Variants in GPR39 observed in about 807,000 individuals in gnomAD.
GPR39 encodes the protein G protein-coupled receptor 39, also known as zinc sensing receptor.
A neutral mutation model predicts 18.4 loss-of-function variants in GPR39; 23 were observed. That is an observed-to-expected ratio of 1.25 (90% confidence interval 0.90 to 1.77). GPR39 has a LOEUF of 1.77. Among genes scored for constraint, GPR39 ranks in the 40% most tolerant of loss-of-function variants. The pLI, the probability that GPR39 is intolerant of heterozygous loss-of-function variation, is 0.00. For missense variants in GPR39, 647 were observed against 602.4 expected (o/e 1.07, Z -0.78); for synonymous variants, 280 against 257.9 (o/e 1.09, Z -0.82).
At chr2:132,497,948 G>T (rs1411734558) in intron 1 of GPR39, among the ~76,000 whole-genome samples, 1 of 152,058 alleles carries the variant, frequency 6.6e-6, no homozygotes, top group Non-Finnish European at 1.5e-5. Context: ...CTGGATTCTG[G>T]GTCCCTGTAA....
At chr2:132,496,770 C>T (rs1217718910) in intron 1 of GPR39, among the ~76,000 whole-genome samples, 1 of 152,220 alleles carries the variant, frequency 6.6e-6, no homozygotes, top group Non-Finnish European at 1.5e-5. Context: ...CTGCTGGCCT[C>T]CTGGAATCGC....
intron 1 of GPR39, among the ~76,000 whole-genome samples, chr2:132,630,709 T>A (rs1366050413): frequency 6.6e-6 from 1 of 151,792 alleles, no homozygotes; most frequent in Non-Finnish European, 1.5e-5. Context: ...GTTGTGGCAG[T>A]GGGAATGGTG....
chr2:132,430,353 G>A (rs917566129), intron 1 of GPR39, among the ~76,000 whole-genome samples: 3 of 152,182 alleles, frequency 2.0e-5, no homozygotes, highest in African/African-American at 7.2e-5. Flanking sequence ...GGAGAAGAAG[G>A]AGCTGGAAAG....
rs1558792418 is a variant in GPR39, at chr2:132,417,232, T to C, written c.190T>C (p.Leu64=). Residue 64 remains leucine (L), a synonymous_variant, in exon 1 of 2, where the codon TTG becomes CTG. Coordinates refer to ENST00000329321, the MANE Select transcript of GPR39 (RefSeq NM_001508.3). ...CCAGGTGCTGCAGAAGAAAGGATACTTGCAGAAGGAGGTGACAGACCACAT... is the reference window on the plus strand; with the variant it reads ...CCAGGTGCTGCAGAAGAAAGGATACCTGCAGAAGGAGGTGACAGACCACAT... ...VTQVLQKKGY[L]QKEVTDHMVS... is the part of the protein sequence containing the mutation. 1 of 1,614,162 alleles carries C rather than the reference T, an allele frequency of 6.2e-7. No homozygotes were observed. Among genetic ancestry groups the C allele is most frequent in the East Asian group, 2.2e-5 (1 of 44,860 alleles).
At chr2:132,631,456 C>G (rs565803273) in intron 1 of GPR39, among the ~76,000 whole-genome samples, 1 of 152,294 alleles carries the variant, frequency 6.6e-6, no homozygotes, top group African/African-American at 2.4e-5. Context: ...TCATTCTTGC[C>G]TCAAAACCCT....
intron 1 of GPR39, among the ~76,000 whole-genome samples, chr2:132,630,225 C>G (rs1392185829): frequency 1.3e-5 from 2 of 152,162 alleles, no homozygotes; most frequent in African/African-American, 4.8e-5. Context: ...ACACAGAATA[C>G]AGCCAAGAAG....
At chr2:132,512,139 G>T (rs1679253033) in intron 1 of GPR39, among the ~76,000 whole-genome samples, 1 of 152,128 alleles carries the variant, frequency 6.6e-6, no homozygotes, top group South Asian at 2.1e-4. Context: ...AGTATAACTT[G>T]GGGTAATTAT....
chr2:132,515,083 C>T (rs1361259277), intron 1 of GPR39, among the ~76,000 whole-genome samples: 4 of 152,226 alleles, frequency 2.6e-5, no homozygotes, highest in Non-Finnish European at 5.9e-5. Flanking sequence ...ATTGTCCCCA[C>T]CCAGATCATT....
intron 1 of GPR39, among the ~76,000 whole-genome samples, chr2:132,460,268 C>T (rs1259988418): frequency 6.6e-6 from 1 of 152,154 alleles, no homozygotes; most frequent in African/African-American, 2.4e-5. Context: ...GTCATACATC[C>T]TATGCATTTT....
chr2:132,627,683 G>A (rs907397862), intron 1 of GPR39, among the ~76,000 whole-genome samples: 13 of 152,180 alleles, frequency 8.5e-5, no homozygotes, highest in African/African-American at 2.9e-4. Flanking sequence ...TCACTGCACA[G>A]TGCTGTTTTG....
chr2:132,420,443 G>T (rs1482170717), intron 1 of GPR39, among the ~76,000 whole-genome samples: 1 of 152,178 alleles, frequency 6.6e-6, no homozygotes, highest in East Asian at 1.9e-4. Context: ...CATAAAACTT[G>T]TGCTTTGGGG....
chr2:132,514,421 G>A (rs978846460), intron 1 of GPR39, among the ~76,000 whole-genome samples: 4 of 152,160 alleles, frequency 2.6e-5, no homozygotes, highest in South Asian at 2.1e-4. Context: ...CTGGAGCAAG[G>A]GATGGTCTGG....
intron 1 of GPR39, among the ~76,000 whole-genome samples, chr2:132,617,594 A>G (rs555037087): frequency 6.6e-5 from 10 of 152,050 alleles, no homozygotes; most frequent in African/African-American, 2.2e-4. Context: ...GTCTTTCTCT[A>G]TTGAATTCTA....
chr2:132,547,648 G>T (rs1012655807), intron 1 of GPR39, among the ~76,000 whole-genome samples: 4 of 152,164 alleles, frequency 2.6e-5, no homozygotes, highest in Non-Finnish European at 5.9e-5. Context: ...TTTTAAAATT[G>T]TAATGCAATC....
intron 1 of GPR39, among the ~76,000 whole-genome samples, chr2:132,456,078 G>C (rs906660636): frequency 1.3e-5 from 2 of 152,162 alleles, no homozygotes; most frequent in Non-Finnish European, 2.9e-5. Flanking sequence ...TGACAGTGGG[G>C]TGTTAAAGTC....
intron 1 of GPR39, among the ~76,000 whole-genome samples, chr2:132,468,424 AAGTGGCAG>A (rs1189983862): frequency 2.6e-5 from 4 of 152,174 alleles, no homozygotes; most frequent in African/African-American, 9.7e-5. Context: ...ACCTATATGG[AAGTGGCAG>A]GGTGGGAGAG....
At chr2:132,480,328 G>A (rs1681210115) in intron 1 of GPR39, among the ~76,000 whole-genome samples, 1 of 152,124 alleles carries the variant, frequency 6.6e-6, no homozygotes, top group Admixed American at 6.6e-5. Context: ...AATTTCTGGA[G>A]CTCTGTTTCA....
chr2:132,579,986 T>C lies in GPR39; in HGVS notation c.857-65115T>C, dbSNP rs186536474. Among the ~76,000 whole-genome samples the C allele has an allele frequency of 4.3e-3, 657 of 152,354 alleles. 7 individuals are homozygous for C. The highest frequency in any genetic ancestry group is 0.014 in the African/African-American group (600 of 41,576). On this transcript the variant is annotated intron_variant, in intron 1 of 1. Transcript: ENST00000329321. The stretch of plus-strand genomic sequence containing the variant: ...CAGTCTTCTGAAACATTGGCTTCAT[T>C]CATTTTAGGTAAAAAATACTGACTT...
At chr2:132,588,176 G>A (rs902798951) in intron 1 of GPR39, among the ~76,000 whole-genome samples, 3 of 152,154 alleles carry the variant, frequency 2.0e-5, no homozygotes, top group Admixed American at 1.3e-4. Flanking sequence ...AAGGCAGGCA[G>A]TGGCTAGCAA....
Sources: gnomAD v4.1 joint callset for allele counts (sites outside exome capture counted in the v4.1 genomes callset) on GRCh38, gnomAD v4.1.1 for gene constraint, MANE v1.5 for transcripts, NCBI Gene and HGNC (gene_info 2026-07-23, HGNC 2026-07-21) for gene names.